The following ZYG11A variants were observed in gnomAD, a reference collection of about 807,000 sequenced individuals.
ZYG11A encodes zyg-11 family member A, cell cycle regulator.
A neutral mutation model predicts 77.2 loss-of-function variants in ZYG11A; 62 were observed. The observed-to-expected ratio is 0.80, with a 90% CI of 0.65 to 0.99. ZYG11A has a LOEUF of 0.99. ZYG11A is among the 50% of genes least tolerant of loss of function. ZYG11A has a pLI of 0.00. For missense variants in ZYG11A, 828 were observed against 896.8 expected (o/e 0.92, Z 0.98); for synonymous variants, 315 against 324.6 (o/e 0.97, Z 0.32).
intron 8 of ZYG11A, among the ~76,000 whole-genome samples, chr1:52,870,442 C>T (rs1463622683): frequency 4.6e-5 from 7 of 152,204 alleles, no homozygotes; most frequent in African/African-American, 1.4e-4. Context: ...AGACGCCCCT[C>T]ACTTCCCAGA....
chr1:52,894,763 T>C lies in ZYG11A; in HGVS notation c.*1806T>C, dbSNP rs1646596402. On this transcript the variant is annotated 3_prime_UTR_variant, in exon 14 of 14. Coordinates refer to ENST00000371528, the MANE Select transcript of ZYG11A (RefSeq NM_001004339.3). ...TTACTTCCTTCCATAGTCCTTAAAC[T>C]GTACTGTATTTTTTCACACTCTTGC... The C allele has an allele frequency of 6.6e-6, 1 of 152,198 alleles. No individual in the cohort carries two copies. Among genetic ancestry groups the C allele is most frequent in the Non-Finnish European group, 1.5e-5 (1 of 68,038 alleles). The allele number at this position is 152,198 out of a possible 1,614,324, so 9.4% of individuals were successfully genotyped here.
At chr1:52,873,483 G>A (rs1479478289) in intron 8 of ZYG11A, among the ~76,000 whole-genome samples, 3 of 152,144 alleles carry the variant, frequency 2.0e-5, no homozygotes, top group South Asian at 2.1e-4. Flanking sequence ...AATGGAGCCT[G>A]GAGATGTGAC....
At chr1:52,886,424 A>G (rs1451689043) in intron 12 of ZYG11A, among the ~76,000 whole-genome samples, 1 of 152,234 alleles carries the variant, frequency 6.6e-6, no homozygotes, top group Non-Finnish European at 1.5e-5. Flanking sequence ...ATCATAATAA[A>G]GGGTTTAATA....
chr1:52,842,801 G>A lies in ZYG11A; in HGVS notation c.-83G>A. 1 of 1,356,250 alleles carries A rather than the reference G, an allele frequency of 7.4e-7. No homozygotes were observed. The highest frequency in any genetic ancestry group is 1.0e-6 in the Non-Finnish European group (1 of 996,010). 84.0% of individuals were successfully genotyped at this position (1,356,250 alleles called of 1,614,324 possible). A position where few individuals can be genotyped will look rare whatever the true frequency, so the allele number is the denominator to read the frequency against. On this transcript the variant is annotated 5_prime_UTR_variant, in exon 1 of 14. Transcript: ENST00000371528. The stretch of plus-strand genomic sequence containing the variant: ...TCGCAGGCGTGGTGGGCGCGTCCTG[G>A]CAGCCGCCCGCTTGGTTCTCGCGGG...
chr1:52,846,867 C>CTTT (rs35227167), intron 1 of ZYG11A, among the ~76,000 whole-genome samples: 1 of 139,392 alleles, frequency 7.2e-6, no homozygotes. Flanking sequence ...TTCACATTTA[C>CTTT]TTTTTTTTTT....
intron 10 of ZYG11A, among the ~76,000 whole-genome samples, chr1:52,879,364 AC>A (rs1169190191): frequency 6.6e-6 from 1 of 152,152 alleles, no homozygotes; most frequent in Non-Finnish European, 1.5e-5. Context: ...GTCCATTGGG[AC>A]CCTTGGTTCT....
At chr1:52,851,400 T>TC (rs1645707815) in intron 1 of ZYG11A, among the ~76,000 whole-genome samples, 1 of 151,976 alleles carries the variant, frequency 6.6e-6, no homozygotes, top group Non-Finnish European at 1.5e-5. Flanking sequence ...GTCAATTTAT[T>TC]CTTCTTATTA....
chr1:52,847,674 T>G (rs1191874805), intron 1 of ZYG11A, among the ~76,000 whole-genome samples: 1 of 151,260 alleles, frequency 6.6e-6, no homozygotes, highest in East Asian at 1.9e-4. Flanking sequence ...ACTTTGTTTT[T>G]TTTTTTTTTT....
At chr1:52,884,751 G>C (rs1273140683) in intron 11 of ZYG11A, among the ~76,000 whole-genome samples, 1 of 152,148 alleles carries the variant, frequency 6.6e-6, no homozygotes, top group African/African-American at 2.4e-5. Flanking sequence ...TAGTATTTAG[G>C]TTTTAACTCC....
In ZYG11A at chr1:52,860,854, A is replaced by G. The variant is rs1244216249; in HGVS notation, c.1132A>G (p.Met378Val). Residue 378 changes from methionine to valine, a missense_variant, in exon 4 of 14, where the codon ATG becomes GTG. By Grantham distance (21) the Met-to-Val change is conservative. Coordinates refer to ENST00000371528, the MANE Select transcript of ZYG11A (RefSeq NM_001004339.3). ...FTETFSMEVT[M>V]PAILKLVAIG... The stretch of plus-strand genomic sequence containing the variant: ...AGAGACATTTTCAATGGAGGTAACC[A>G]TGCCTGCTATTTTAAAGGTAATTGA... 6 of 1,550,728 alleles carry G rather than the reference A, an allele frequency of 3.9e-6. No homozygotes were observed. In the African/African-American group the frequency reaches 4.1e-5, roughly 11 times the overall value.
chr1:52,890,053 GT>G (rs67041059), intron 13 of ZYG11A, among the ~76,000 whole-genome samples: 3,591 of 118,484 alleles, frequency 0.03, 55 homozygotes, highest in Middle Eastern at 0.15. Flanking sequence ...ATCACTGCTT[GT>G]TTTTTTTTTT....
At chr1:52,854,700 ATTTC>A in intron 2 of ZYG11A, 70 bp downstream of exon 2, 1 of 1,328,504 alleles carries the variant, frequency 7.5e-7, no homozygotes, top group Non-Finnish European at 1.0e-6. Context: ...TTTACACACA[ATTTC>A]TATTGTGATT....
At chr1:52,863,234 G>A (rs193041989) in intron 4 of ZYG11A, among the ~76,000 whole-genome samples, 2 of 152,184 alleles carry the variant, frequency 1.3e-5, no homozygotes, top group East Asian at 1.9e-4. Context: ...AGCAGGTGGG[G>A]TCTAAGCTTG....
intron 1 of ZYG11A, among the ~76,000 whole-genome samples, chr1:52,847,298 C>G (rs1251227765): frequency 6.6e-6 from 1 of 152,060 alleles, no homozygotes; most frequent in African/African-American, 2.4e-5. Context: ...AATTCCTGAC[C>G]TTGTGATCCA....
chr1:52,844,452 TCA>T (rs1328558440), intron 1 of ZYG11A, among the ~76,000 whole-genome samples: 1 of 152,238 alleles, frequency 6.6e-6, no homozygotes, highest in African/African-American at 2.4e-5. Flanking sequence ...ACAAAAGTAC[TCA>T]CACCCATTTT....
chr1:52,848,460 C>A (rs888042575), intron 1 of ZYG11A, among the ~76,000 whole-genome samples: 14 of 152,098 alleles, frequency 9.2e-5, no homozygotes, highest in African/African-American at 3.1e-4. Context: ...CTTCCGAAAT[C>A]AGTGGGTTTA....
intron 1 of ZYG11A, among the ~76,000 whole-genome samples, chr1:52,851,385 C>T (rs1447297882): frequency 1.3e-5 from 2 of 151,556 alleles, no homozygotes; most frequent in African/African-American, 4.8e-5. Flanking sequence ...GTAACCATTA[C>T]CACAGTCAAT....
At chr1:52,847,839 T>A (rs1445577978) in intron 1 of ZYG11A, among the ~76,000 whole-genome samples, 2 of 79,494 alleles carry the variant, frequency 2.5e-5, no homozygotes, top group African/African-American at 5.9e-5. Flanking sequence ...CTTGCTAATT[T>A]ATTTATTTAT....
At chr1:52,850,507 A>G (rs1453439064) in intron 1 of ZYG11A, among the ~76,000 whole-genome samples, 1 of 151,898 alleles carries the variant, frequency 6.6e-6, no homozygotes, top group Non-Finnish European at 1.5e-5. Flanking sequence ...TTTAATAGAG[A>G]CGGGGTTTCA....
Sources: allele counts gnomAD v4.1 joint callset (sites outside exome capture counted in the v4.1 genomes callset), GRCh38; gene constraint gnomAD v4.1.1; transcripts MANE v1.5; gene names NCBI Gene and HGNC (gene_info 2026-07-23, HGNC 2026-07-21).